RIN2: variants seen among roughly 807,000 people sequenced by gnomAD.
The protein encoded by RIN2 is Ras and Rab interactor 2.
RIN2 carries 36 observed loss-of-function variants against 78.0 expected under a neutral mutation model. The ratio of observed to expected loss-of-function variants is 0.46; its 90% CI spans 0.35 to 0.61. The LOEUF (loss-of-function observed/expected upper bound fraction) is 0.61. Ranked by LOEUF, RIN2 falls within the 20% of genes least tolerant of loss-of-function variation. The pLI is 0.00. For missense variants in RIN2, 1,087 were observed against 1,159.7 expected, an observed-to-expected ratio of 0.94 and a Z score of 0.91; for synonymous variants, 466 against 466.8, an observed-to-expected ratio of 1.00 and a Z score of 0.02.
intron 2 of RIN2, among the ~76,000 whole-genome samples, chr20:19,801,400 A>G (rs961630666): frequency 6.8e-6 from 1 of 147,534 alleles, no homozygotes; most frequent in Non-Finnish European, 1.5e-5. Context: ...GGCTCACTGC[A>G]ATCTCTGCCT....
chr20:19,937,558 C>T (rs1210287996), intron 4 of RIN2, among the ~76,000 whole-genome samples: 1 of 152,240 alleles, frequency 6.6e-6, no homozygotes, highest in African/African-American at 2.4e-5. Context: ...CACTATTACT[C>T]TAGCTGTGTT....
chr20:19,871,646 G>T (rs1033757175), intron 2 of RIN2, among the ~76,000 whole-genome samples: 1 of 152,156 alleles, frequency 6.6e-6, no homozygotes, highest in Non-Finnish European at 1.5e-5. Context: ...GCATTGCCAC[G>T]TGTCAAAATA....
chr20:19,983,908 C>G (rs1185497957), intron 9 of RIN2, among the ~76,000 whole-genome samples: 1 of 151,732 alleles, frequency 6.6e-6, no homozygotes, highest in Non-Finnish European at 1.5e-5. Flanking sequence ...TATTATACTT[C>G]TAGGGTACAT....
chr20:19,784,074 C>T (rs1411818396), intron 1 of RIN2, among the ~76,000 whole-genome samples: 3 of 152,180 alleles, frequency 2.0e-5, no homozygotes, highest in Admixed American at 6.5e-5. Context: ...CACGTGGCAC[C>T]GGATGGCGCT....
At chr20:19,888,640 A>G (rs909459238) in intron 2 of RIN2, among the ~76,000 whole-genome samples, 1 of 152,210 alleles carries the variant, frequency 6.6e-6, no homozygotes, top group Non-Finnish European at 1.5e-5. Context: ...CCTCCTGTGC[A>G]TGTTATGGCG....
At chr20:19,853,052 G>T (rs1214575498) in intron 2 of RIN2, among the ~76,000 whole-genome samples, 4 of 117,402 alleles carry the variant, frequency 3.4e-5, no homozygotes, top group African/African-American at 1.0e-4. Context: ...CCCATGACAG[G>T]CCCCAGTGTG....
intron 1 of RIN2, among the ~76,000 whole-genome samples, chr20:19,792,216 T>A (rs978412897): frequency 2.0e-5 from 3 of 152,244 alleles, no homozygotes; most frequent in African/African-American, 7.2e-5. Context: ...GCCTTGGCTT[T>A]TTAGGGTCTA....
intron 3 of RIN2, among the ~76,000 whole-genome samples, chr20:19,932,641 G>T (rs2146107374): frequency 6.6e-6 from 1 of 152,236 alleles, no homozygotes. Flanking sequence ...TGACCTCTAA[G>T]TCCTGGGAGT....
Position 19,975,753 on chromosome 20 carries a change from C to T in RIN2, c.1728C>T (p.Pro576=). 4 of 1,612,322 alleles carry T rather than the reference C, an allele frequency of 2.5e-6. No homozygotes were observed. Among genetic ancestry groups the T allele is most frequent in the Non-Finnish European group, 3.4e-6 (4 of 1,179,356 alleles). Residue 576 remains proline, a synonymous_variant, in exon 9 of 13, where the codon CCC becomes CCT. Coordinates refer to ENST00000255006, the MANE Select transcript of RIN2 (RefSeq NM_018993.4). This position sits in a 1 kb window ranked among gnomAD's most constrained non-coding sequence, Gnocchi z 4.9. ...TGTCTCAGAGCTCGGAGCTGGACCC[C>T]CCCATCGAGTCGCTGATCCCTGAAG... is the stretch of plus-strand genomic sequence containing the variant. ...NYLSQSSELD[P]PIESLIPEDQ...
intron 2 of RIN2, among the ~76,000 whole-genome samples, chr20:19,819,043 G>A: frequency 6.6e-6 from 1 of 152,148 alleles, no homozygotes; most frequent in East Asian, 1.9e-4. Flanking sequence ...TGTGCACGTG[G>A]GCATACATAT....
chr20:19,980,119 A>G (rs1389127965), intron 9 of RIN2, among the ~76,000 whole-genome samples: 1 of 152,028 alleles, frequency 6.6e-6, no homozygotes, highest in African/African-American at 2.4e-5. Flanking sequence ...CAGAGATTAA[A>G]ACCTTGAATC....
chr20:19,828,850 T>C (rs1255676688), intron 2 of RIN2, among the ~76,000 whole-genome samples: 1 of 152,106 alleles, frequency 6.6e-6, no homozygotes, highest in Non-Finnish European at 1.5e-5. Context: ...TTCTGCTCTG[T>C]ATGATCATTG....
chr20:19,786,437 C>T (rs1443038685), intron 1 of RIN2, among the ~76,000 whole-genome samples: 3 of 152,056 alleles, frequency 2.0e-5, no homozygotes, highest in East Asian at 3.9e-4. Flanking sequence ...AGAGAGATAC[C>T]GTAGCAGTCT....
intron 4 of RIN2, among the ~76,000 whole-genome samples, chr20:19,954,367 G>A (rs2041448102): frequency 6.6e-6 from 1 of 152,192 alleles, no homozygotes. Flanking sequence ...CTGCTTGTTT[G>A]GACATGAATG....
Position 19,971,735 on chromosome 20 carries a change from A to ATTTTTTTTTTT in RIN2, c.628+820_628+830dup, listed in dbSNP as rs61019165. On this transcript the variant is annotated intron_variant, in intron 8 of 12. Transcript: ENST00000255006. Reference sequence around the variant, plus strand: ...TGAATTCCCTTCTGCTGAAACTGCAATTTTTTTTTTTTTTTTTTTTTTTTG... The same window carrying ATTTTTTTTTTT: ...TGAATTCCCTTCTGCTGAAACTGCAATTTTTTTTTTTTTTTTTTTTTTTTTTTTTTTTTTTG... Among the ~76,000 whole-genome samples the ATTTTTTTTTTT allele has an allele frequency of 7.3e-4, 67 of 91,526 alleles. 7 individuals carry two copies. Among genetic ancestry groups the ATTTTTTTTTTT allele is most frequent in the African/African-American group, 3.0e-3 (60 of 20,138 alleles). 60.0% of individuals were successfully genotyped at this position (91,526 alleles called of 152,430 possible). A position where few individuals can be genotyped will look rare whatever the true frequency, so the allele number is the denominator to read the frequency against.
intron 1 of RIN2, among the ~76,000 whole-genome samples, chr20:19,792,532 C>T (rs906658651): frequency 6.6e-6 from 1 of 152,098 alleles, no homozygotes; most frequent in Non-Finnish European, 1.5e-5. Flanking sequence ...GTGAGGGAAG[C>T]AAAGCTCACA....
At chr20:19,907,947 T>A (rs402543) in intron 3 of RIN2, among the ~76,000 whole-genome samples, 39,754 of 151,966 alleles carry the variant, frequency 0.26, 6,443 homozygotes, top group East Asian at 0.54. Context: ...CGATGGAGGA[T>A]TAAGTGAGAC....
At chr20:19,985,879 C>T (rs1425132655) in intron 9 of RIN2, among the ~76,000 whole-genome samples, 3 of 152,296 alleles carry the variant, frequency 2.0e-5, no homozygotes, top group Non-Finnish European at 2.9e-5. Flanking sequence ...CTGGCTCTCC[C>T]TCTTGATAGC....
chr20:19,854,865 C>T (rs1160546377), intron 2 of RIN2, among the ~76,000 whole-genome samples: 1 of 152,042 alleles, frequency 6.6e-6, no homozygotes, highest in Non-Finnish European at 1.5e-5. Context: ...AATTGAATAC[C>T]CTTTATTTCT....
Sources: allele counts gnomAD v4.1 joint callset (sites outside exome capture counted in the v4.1 genomes callset), GRCh38; gene constraint gnomAD v4.1.1; non-coding constraint Gnocchi (gnomAD v3.1); transcripts MANE v1.5; gene names NCBI Gene and HGNC (gene_info 2026-07-23, HGNC 2026-07-21).